DLG2: variants seen among roughly 807,000 people sequenced by gnomAD.
The protein encoded by DLG2 is discs large MAGUK scaffold protein 2.
DLG2 carries 45 observed loss-of-function variants against 132.5 expected under a neutral mutation model. The ratio of observed to expected loss-of-function variants is 0.34; its 90% CI spans 0.27 to 0.44. The LOEUF is 0.44. Among genes scored for constraint, DLG2 ranks in the 20% least tolerant of loss-of-function variants. The pLI is 1.00. For synonymous variants in DLG2, 424 were observed against 419.6 expected (o/e 1.01, Z -0.13); for missense variants, 1,045 against 1,196.9 (o/e 0.87, Z 1.87).
intron 4 of DLG2, among the ~76,000 whole-genome samples, chr11:85,190,183 A>G (rs541147955): frequency 6.6e-6 from 1 of 152,308 alleles, no homozygotes; most frequent in East Asian, 1.9e-4. Context: ...GATTTAATAG[A>G]ATTTACCTCC....
At chr11:83,972,806 G>C (rs2091573834) in intron 12 of DLG2, among the ~76,000 whole-genome samples, 1 of 152,078 alleles carries the variant, frequency 6.6e-6, no homozygotes, top group Non-Finnish European at 1.5e-5. Context: ...ACATTTATTG[G>C]ATACCCACTC....
intron 6 of DLG2, among the ~76,000 whole-genome samples, chr11:84,649,068 T>G (rs1014692347): frequency 6.6e-6 from 1 of 152,208 alleles, no homozygotes; most frequent in Admixed American, 6.5e-5. Flanking sequence ...TCTCCTCCAA[T>G]GATTCAGGTA....
intron 9 of DLG2, among the ~76,000 whole-genome samples, chr11:84,112,557 T>C (rs2093420222): frequency 6.6e-6 from 1 of 151,996 alleles, no homozygotes; most frequent in Non-Finnish European, 1.5e-5. Flanking sequence ...TAACTAGAGA[T>C]TTTTTTCTGG....
intron 6 of DLG2, among the ~76,000 whole-genome samples, chr11:84,750,444 T>C (rs1248037686): frequency 6.6e-6 from 1 of 152,178 alleles, no homozygotes; most frequent in Non-Finnish European, 1.5e-5. Context: ...AGGTTTGGCA[T>C]AGGCCCGTAC....
intron 14 of DLG2, among the ~76,000 whole-genome samples, chr11:83,950,914 C>A (rs1039427195): frequency 1.3e-5 from 2 of 152,018 alleles, no homozygotes; most frequent in African/African-American, 4.8e-5. Flanking sequence ...GTTTATTTGC[C>A]TGCCCCCCCC....
intron 6 of DLG2, among the ~76,000 whole-genome samples, chr11:85,043,166 A>G (rs2062022115): frequency 6.6e-6 from 1 of 151,868 alleles, no homozygotes. Flanking sequence ...TATCACAATT[A>G]TAGGACCTTA....
At chr11:83,870,265 G>A (rs932904267) in intron 16 of DLG2, among the ~76,000 whole-genome samples, 6 of 152,086 alleles carry the variant, frequency 3.9e-5, no homozygotes, top group South Asian at 2.1e-4. Flanking sequence ...AAGTAATTTC[G>A]CACTGTCCAA....
chr11:83,779,756 A>C (rs1594224737), intron 18 of DLG2, among the ~76,000 whole-genome samples: 1 of 152,166 alleles, frequency 6.6e-6, no homozygotes, highest in Non-Finnish European at 1.5e-5. Context: ...TAAAACTTTT[A>C]ATTTCTATTT....
chr11:83,800,085 G>A (rs2043942923), intron 17 of DLG2, among the ~76,000 whole-genome samples: 1 of 152,192 alleles, frequency 6.6e-6, no homozygotes, highest in Admixed American at 6.5e-5. Context: ...CAAAGAGGAT[G>A]ACTTGGGAGA....
chr11:83,812,953 G>A (rs968966394), intron 17 of DLG2, among the ~76,000 whole-genome samples: 1 of 152,158 alleles, frequency 6.6e-6, no homozygotes, highest in Non-Finnish European at 1.5e-5. Context: ...ACTGTTGGTG[G>A]CACTGTCAAA....
chr11:84,842,024 G>A (rs1220748358), intron 6 of DLG2, among the ~76,000 whole-genome samples: 1 of 151,804 alleles, frequency 6.6e-6, no homozygotes, highest in Non-Finnish European at 1.5e-5. Flanking sequence ...ACACCTTTAT[G>A]GCTATTTTTA....
chr11:84,268,976 A>G lies in DLG2; in HGVS notation c.520-17685T>C, dbSNP rs2154362788. Among the ~76,000 whole-genome samples, 3 of 152,290 alleles carry G rather than the reference A, an allele frequency of 2.0e-5. No homozygotes were observed. In the South Asian group the frequency reaches 6.2e-4, roughly 32 times the overall value. ...TGCTGGATAAATGAATTATATTTTAAAACTAAAGCATATTTGGGAGGATGT... is the reference window on the plus strand; with the variant it reads ...TGCTGGATAAATGAATTATATTTTAGAACTAAAGCATATTTGGGAGGATGT... On this transcript the variant is annotated intron_variant, in intron 7 of 27. Transcript: ENST00000376104.
intron 3 of DLG2, among the ~76,000 whole-genome samples, chr11:85,436,213 G>A (rs895291593): frequency 6.6e-6 from 1 of 152,090 alleles, no homozygotes; most frequent in Non-Finnish European, 1.5e-5. Flanking sequence ...CACCGTAGAA[G>A]AAAACCTAGG....
At chr11:84,960,691 G>C (rs984807614) in intron 6 of DLG2, among the ~76,000 whole-genome samples, 11 of 151,864 alleles carry the variant, frequency 7.2e-5, no homozygotes, top group African/African-American at 2.7e-4. Flanking sequence ...CACCCGCCTT[G>C]GCTTCCCAAT....
chr11:83,651,101 T>A (rs1029830628), intron 18 of DLG2, among the ~76,000 whole-genome samples: 1 of 152,156 alleles, frequency 6.6e-6, no homozygotes, highest in Admixed American at 6.5e-5. Context: ...AGCCTAAAAC[T>A]CTATGGAGGA....
chr11:83,726,243 G>T (rs574889661), intron 18 of DLG2, among the ~76,000 whole-genome samples: 1 of 152,280 alleles, frequency 6.6e-6, no homozygotes, highest in Non-Finnish European at 1.5e-5. Flanking sequence ...ATAAAATGGG[G>T]TTAACACTAA....
chr11:83,924,072 A>G (rs2078467911), intron 15 of DLG2, among the ~76,000 whole-genome samples: 3 of 152,020 alleles, frequency 2.0e-5, no homozygotes, highest in Non-Finnish European at 4.4e-5. Context: ...ACTTATTCCT[A>G]TTTCTTTTAC....
intron 6 of DLG2, among the ~76,000 whole-genome samples, chr11:84,570,156 T>G (rs2099475779): frequency 6.6e-6 from 1 of 152,158 alleles, no homozygotes; most frequent in African/African-American, 2.4e-5. Flanking sequence ...CCAGAACTAG[T>G]CCCTACATAA....
At chr11:83,945,565 T>G (rs2083633433) in intron 14 of DLG2, among the ~76,000 whole-genome samples, 1 of 152,218 alleles carries the variant, frequency 6.6e-6, no homozygotes, top group Non-Finnish European at 1.5e-5. Context: ...TATTTGGATT[T>G]AAAGAAAATA....
Sources: gnomAD v4.1 joint callset for allele counts (sites outside exome capture counted in the v4.1 genomes callset) on GRCh38, gnomAD v4.1.1 for gene constraint, MANE v1.5 for transcripts, NCBI Gene and HGNC (gene_info 2026-07-23, HGNC 2026-07-21) for gene names.